MSRA: variants seen among roughly 807,000 people sequenced by gnomAD.
MSRA encodes mitochondrial peptide methionine sulfoxide reductase.
Under a neutral mutation model 31.3 loss-of-function variants are expected in MSRA, and 54 were observed. The ratio of observed to expected loss-of-function variants is 1.73; its 90% CI spans 1.39 to 2.17. MSRA has a LOEUF of 2.17. Among genes scored for constraint, MSRA ranks in the 30% most tolerant of loss-of-function variants. The pLI is 0.00. For synonymous variants in MSRA, 169 were observed against 116.5 expected (o/e 1.45, Z -2.90); for missense variants, 507 against 300.9 (o/e 1.69, Z -5.07).
chr8:10,071,090 C>A (rs910588841), intron 1 of MSRA, among the ~76,000 whole-genome samples: 3 of 152,158 alleles, frequency 2.0e-5, no homozygotes, highest in African/African-American at 4.8e-5. Flanking sequence ...AACTGTTTCC[C>A]AGAGTTCTTC....
chr8:10,147,537 C>G (rs1803249831), intron 1 of MSRA, among the ~76,000 whole-genome samples: 1 of 152,214 alleles, frequency 6.6e-6, no homozygotes, highest in Non-Finnish European at 1.5e-5. Context: ...CACACTCTGT[C>G]TCCTACGGGT....
chr8:10,238,818 G>C (rs890529999), intron 2 of MSRA, among the ~76,000 whole-genome samples: 1 of 151,960 alleles, frequency 6.6e-6, no homozygotes, highest in Non-Finnish European at 1.5e-5. Context: ...TGAAAATATA[G>C]GATATTATCT....
chr8:10,156,545 T>A (rs1804165728), intron 1 of MSRA, among the ~76,000 whole-genome samples: 1 of 152,212 alleles, frequency 6.6e-6, no homozygotes, highest in Admixed American at 6.5e-5. Flanking sequence ...TTCTGTAGGT[T>A]TGATATTTTT....
At chr8:10,421,750 G>A (rs372565388) in intron 5 of MSRA, among the ~76,000 whole-genome samples, 4 of 152,130 alleles carry the variant, frequency 2.6e-5, no homozygotes, top group African/African-American at 7.2e-5. Flanking sequence ...CCTATGAGTC[G>A]CTGGAGCTGG....
intron 5 of MSRA, among the ~76,000 whole-genome samples, chr8:10,358,222 C>A (rs978864974): frequency 1.3e-5 from 2 of 152,066 alleles, no homozygotes; most frequent in African/African-American, 4.8e-5. Context: ...AGCCACCATG[C>A]CTGGCGATGT....
intron 5 of MSRA, among the ~76,000 whole-genome samples, chr8:10,354,569 T>A (rs1804392287): frequency 1.3e-5 from 2 of 152,156 alleles, no homozygotes; most frequent in South Asian, 4.1e-4. Flanking sequence ...TGGGAATAAA[T>A]ACCTTAAACA....
At chr8:10,192,764 G>C (rs973417543) in intron 1 of MSRA, among the ~76,000 whole-genome samples, 1 of 152,242 alleles carries the variant, frequency 6.6e-6, no homozygotes, top group Non-Finnish European at 1.5e-5. Flanking sequence ...ACAGTATTCT[G>C]TAAATGGTGC....
At chr8:10,212,135 C>T (rs538343793) in intron 2 of MSRA, among the ~76,000 whole-genome samples, 4 of 151,548 alleles carry the variant, frequency 2.6e-5, no homozygotes, top group South Asian at 2.1e-4. Flanking sequence ...TGCAGTGAGC[C>T]GAGATCGCGC....
rs145022733 is a variant in MSRA, at chr8:10,373,181, G to A, written c.543+53192G>A. ...GTAGGGATTACAAGCGTGAGCCACC[G>A]CGCCCAGCCGCTAAGTGATTATTTA... is the stretch of plus-strand genomic sequence containing the variant. On this transcript the variant is annotated intron_variant, in intron 5 of 5. Transcript: ENST00000317173. Among the ~76,000 whole-genome samples, 6 of 152,336 alleles carry A rather than the reference G, an allele frequency of 3.9e-5. No homozygotes were observed. The East Asian group carries it at 5.8e-4, about 15-fold the overall frequency.
At chr8:10,389,191 A>G (rs1305608087) in intron 5 of MSRA, among the ~76,000 whole-genome samples, 1 of 152,170 alleles carries the variant, frequency 6.6e-6, no homozygotes, top group African/African-American at 2.4e-5. Context: ...CTCTGTGGAA[A>G]AGGACCCTGG....
chr8:10,174,941 G>A (rs1372704109), intron 1 of MSRA, among the ~76,000 whole-genome samples: 1 of 152,170 alleles, frequency 6.6e-6, no homozygotes, highest in Non-Finnish European at 1.5e-5. Context: ...TCACAGCCTT[G>A]CCGATCTTGC....
intron 1 of MSRA, among the ~76,000 whole-genome samples, chr8:10,112,523 T>G (rs1800365172): frequency 6.6e-6 from 1 of 152,168 alleles, no homozygotes; most frequent in South Asian, 2.1e-4. Context: ...TATAAAGAAA[T>G]AAGAAATACA....
chr8:10,061,082 T>G (rs1802691271), intron 1 of MSRA, among the ~76,000 whole-genome samples: 1 of 152,214 alleles, frequency 6.6e-6, no homozygotes, highest in Non-Finnish European at 1.5e-5. Flanking sequence ...CCAGAACGTT[T>G]AGTGTTTCCC....
intron 2 of MSRA, among the ~76,000 whole-genome samples, chr8:10,229,615 G>C (rs767227167): frequency 2.9e-4 from 44 of 152,096 alleles, no homozygotes; most frequent in Non-Finnish European, 1.2e-4. Flanking sequence ...TAAGAGAACA[G>C]AGTGGACACG....
At chr8:10,202,990 T>A (rs1187292963) in intron 1 of MSRA, among the ~76,000 whole-genome samples, 1 of 152,078 alleles carries the variant, frequency 6.6e-6, no homozygotes, top group Non-Finnish European at 1.5e-5. Context: ...TTCTGTCCTG[T>A]CTCCTGCTTG....
At chr8:10,294,258 A>G (rs1800409022) in intron 3 of MSRA, among the ~76,000 whole-genome samples, 1 of 152,180 alleles carries the variant, frequency 6.6e-6, no homozygotes, top group South Asian at 2.1e-4. Flanking sequence ...ACTTTTAGAC[A>G]TAGATTCCCT....
chr8:10,241,408 A>G (rs1378803242), intron 2 of MSRA, among the ~76,000 whole-genome samples: 2 of 152,116 alleles, frequency 1.3e-5, no homozygotes, highest in Non-Finnish European at 2.9e-5. Context: ...CATTGAAACG[A>G]TCAAATATGT....
intron 1 of MSRA, among the ~76,000 whole-genome samples, chr8:10,090,667 T>C (rs1277613297): frequency 6.6e-6 from 1 of 152,182 alleles, no homozygotes; most frequent in African/African-American, 2.4e-5. Context: ...GGAAACCCCA[T>C]AGTCATTGGC....
intron 1 of MSRA, among the ~76,000 whole-genome samples, chr8:10,180,863 C>G (rs112772958): frequency 6.6e-6 from 1 of 152,166 alleles, no homozygotes; most frequent in African/African-American, 2.4e-5. Flanking sequence ...CTAAAATGCT[C>G]CATCTATTTC....
Sources: gnomAD v4.1 joint callset for allele counts (sites outside exome capture counted in the v4.1 genomes callset) on GRCh38, gnomAD v4.1.1 for gene constraint, MANE v1.5 for transcripts, NCBI Gene and HGNC (gene_info 2026-07-23, HGNC 2026-07-21) for gene names.